MYRF: variants seen among roughly 807,000 people sequenced by gnomAD.
The protein encoded by MYRF is myelin gene regulatory factor.
MYRF carries 16 observed loss-of-function variants against 126.3 expected under a neutral mutation model. The ratio of observed to expected loss-of-function variants is 0.13; its 90% CI spans 0.09 to 0.19. The LOEUF (loss-of-function observed/expected upper bound fraction) is 0.19, where lower values mean the gene tolerates loss of function less well. Ranked by LOEUF, MYRF falls within the 10% of genes least tolerant of loss-of-function variation. The pLI, the probability that MYRF is intolerant of heterozygous loss-of-function variation, is 1.00. For missense variants in MYRF, 1,104 were observed against 1,547.0 expected (o/e 0.71, Z 4.80); for synonymous variants, 608 against 635.3 (o/e 0.96, Z 0.65).
At chr11:61,775,826 G>C (rs936174562) in intron 8 of MYRF, among the ~76,000 whole-genome samples, 8 of 151,872 alleles carry the variant, frequency 5.3e-5, no homozygotes, top group Admixed American at 4.6e-4. Context: ...TGCAGAAGTT[G>C]GGGGAGTGGT....
chr11:61,780,278 T>C lies in MYRF; in HGVS notation c.2393T>C (p.Val798Ala). The change falls in exon 18 of 27, where the codon GTA (valine) becomes GCA (alanine). Residue 798 changes from valine (V) to alanine (A), a missense_variant. Val to Ala is a moderately conservative substitution (Grantham distance 64). Around this residue, in one of 10 missense-constraint regions of MYRF, gnomAD observed 323 missense variants for 383.1 expected, o/e 0.84. Transcript: ENST00000278836. ...VLSLRTEEDL[V>A]DTDGSFAVST... Reference sequence around the variant, plus strand: ...AGCCTGCGCACAGAGGAGGACCTGGTAGACACTGATGGGTAGGTTCCTGGA... The same window carrying C: ...AGCCTGCGCACAGAGGAGGACCTGGCAGACACTGATGGGTAGGTTCCTGGA... The C allele has an allele frequency of 6.2e-7, 1 of 1,613,060 alleles. No homozygotes were observed. The highest frequency in any genetic ancestry group is 8.5e-7 in the Non-Finnish European group (1 of 1,179,500).
At chr11:61,763,722 G>A (rs370547193) in intron 1 of MYRF, among the ~76,000 whole-genome samples, 7 of 152,130 alleles carry the variant, frequency 4.6e-5, no homozygotes, top group Admixed American at 6.5e-5. Flanking sequence ...AAAATTAGCC[G>A]TGTGTGGTGG....
rs770731725 is a variant in MYRF, at chr11:61,780,310, G to A, written c.2405+20G>A. The A allele has an allele frequency of 1.2e-6, 2 of 1,605,672 alleles. No homozygotes were observed. Among genetic ancestry groups the A allele is most frequent in the Middle Eastern group, 1.7e-4 (1 of 5,952 alleles). ...TGATGGGTAGGTTCCTGGAGGCCAA[G>A]CCAAGCTGCCAGGCCAGGTGGGGCT... On this transcript the variant is annotated intron_variant, in intron 18 of 26. Transcript: ENST00000278836.
At chr11:61,785,972 TG>T in intron 26 of MYRF, 90 bp from the exon 27 acceptor site, 1 of 1,559,388 alleles carries the variant, frequency 6.4e-7, no homozygotes, top group Non-Finnish European at 8.8e-7. Flanking sequence ...GTGGTAGGGC[TG>T]GGGGCACAGT....
At position 61,783,711 on chromosome 11, in the gene MYRF, AG is replaced by A; in HGVS notation, c.3119+114del. 7.4e-7 allele frequency: 1 copy of A among 1,358,136 alleles called. No homozygotes were observed. The highest frequency in any genetic ancestry group is 1.0e-6 in the Non-Finnish European group (1 of 967,702). The allele number at this position is 1,358,136 out of a possible 1,614,324, so 84.1% of individuals were successfully genotyped here. On this transcript the variant is annotated intron_variant, in intron 23 of 26. Transcript: ENST00000278836. The surrounding 1 kb of genome is among the most constrained non-coding windows in gnomAD (Gnocchi z 4.6). ...CAGGGAGGAGCCTCCCCCATAAGGA[AG>A]GGTAGCCCCTTTCCAGGCTACCCTT...
Position 61,777,668 on chromosome 11 carries a change from T to C in MYRF, c.1792-66T>C. The C allele has an allele frequency of 6.7e-7, 1 of 1,482,556 alleles. No homozygotes were observed. The highest frequency in any genetic ancestry group is 2.5e-5 in the East Asian group (1 of 40,328). The allele number at this position is 1,482,556 out of a possible 1,614,324, so 91.8% of individuals were successfully genotyped here. ...TGCAGCCTCCAGGCTGCCGCCCTCC[T>C]GGGCTCCGGGGCCTGCTCCGGGACG... On this transcript the variant is annotated intron_variant, in intron 12 of 26. Coordinates refer to ENST00000278836, the MANE Select transcript of MYRF (RefSeq NM_001127392.3). This position sits in a 1 kb window ranked among gnomAD's most constrained non-coding sequence, Gnocchi z 8.8.
chr11:61,774,501 A>C (rs2066318510), intron 8 of MYRF, among the ~76,000 whole-genome samples: 1 of 150,514 alleles, frequency 6.6e-6, no homozygotes, highest in Non-Finnish European at 1.5e-5. Flanking sequence ...CCAGCCTGGC[A>C]ACAGAGCGGG....
rs1052101693 is a variant in MYRF at position 61,762,882 on chromosome 11, C to T, written c.47-2743C>T. Among the ~76,000 whole-genome samples, 13 of 152,268 alleles carry T rather than the reference C, an allele frequency of 8.5e-5. 1 individual carries two copies. The South Asian group carries it at 1.2e-3, about 15-fold the overall frequency. On this transcript the variant is annotated intron_variant, in intron 1 of 26. Transcript: ENST00000278836. ...CCGCCTCCTTCCTCCATCCTCCGTC[C>T]GCCCGGACCCTGGCACGGGAGGGTC...
chr11:61,756,937 C>G, intron 1 of MYRF: 2 of 348,644 alleles, frequency 5.7e-6, no homozygotes, highest in Non-Finnish European at 5.7e-6. Flanking sequence ...GCCCTGGCAG[C>G]AGAGGCTGCT....
chr11:61,767,952 T>A (rs1179466052), intron 3 of MYRF, among the ~76,000 whole-genome samples: 1 of 151,604 alleles, frequency 6.6e-6, no homozygotes, highest in Non-Finnish European at 1.5e-5. Context: ...ACCCTGTCTG[T>A]ACTAAAAATA....
chr11:61,767,219 C>T (rs1162848997), intron 3 of MYRF: 2 of 456,628 alleles, frequency 4.4e-6, no homozygotes, highest in Non-Finnish European at 8.8e-6. Flanking sequence ...AAACTGTTTG[C>T]TTGAGGCTGT....
At chr11:61,762,241 G>A (rs939255530) in intron 1 of MYRF, among the ~76,000 whole-genome samples, 2 of 152,088 alleles carry the variant, frequency 1.3e-5, no homozygotes, top group African/African-American at 2.4e-5. Context: ...AAAGGCTGTC[G>A]GGGGCAGGCA....
intron 2 of MYRF, 44 bp downstream of exon 2, chr11:61,765,756 C>T (rs776612506): frequency 1.9e-6 from 3 of 1,556,144 alleles, no homozygotes; most frequent in Non-Finnish European, 2.6e-6. Context: ...CAGCCCCAGC[C>T]CTTCGCCTCC....
intron 1 of MYRF, among the ~76,000 whole-genome samples, chr11:61,761,263 G>GGT (rs543320536): frequency 1.3e-5 from 2 of 151,774 alleles, no homozygotes; most frequent in African/African-American, 2.4e-5. Context: ...AGCTGGTGGG[G>GGT]GGGGGGGCAC....
At chr11:61,766,907 G>A (rs369354007) in intron 3 of MYRF, 1 of 411,736 alleles carries the variant, frequency 2.4e-6, no homozygotes. Context: ...CTGGGTGGAA[G>A]AGCATTAAAA....
chr11:61,778,468 G>C lies in MYRF; in HGVS notation c.1992G>C (p.Glu664Asp). The stretch of plus-strand genomic sequence containing the variant: ...TCTTTGCCAATGGGAAAACCATAGA[G>C]AACTTCCTGGTGGTGAACAAGGTCT... Reference protein sequence around the residue: ...DMVFANGKTIENFLVVNKERI... With the variant: ...DMVFANGKTIDNFLVVNKERI... The change falls in exon 14 of 27, where the codon GAG becomes GAC. Residue 664 changes from glutamate to aspartate, a missense_variant. Around this residue, in one of 10 missense-constraint regions of MYRF, gnomAD observed 123 missense variants for 209.1 expected, o/e 0.59. Transcript: ENST00000278836. This position sits in a 1 kb window ranked among gnomAD's most constrained non-coding sequence, Gnocchi z 4.6. The C allele has an allele frequency of 1.2e-6, 2 of 1,613,916 alleles. No individual in the cohort carries two copies. Among genetic ancestry groups the C allele is most frequent in the Non-Finnish European group, 1.7e-6 (2 of 1,179,800 alleles).
intron 4 of MYRF, among the ~76,000 whole-genome samples, 176 bp downstream of exon 4, chr11:61,769,497 G>A (rs2066150026): frequency 6.6e-6 from 1 of 152,300 alleles, no homozygotes; most frequent in Middle Eastern, 3.4e-3. Flanking sequence ...CGGGTGGGGA[G>A]CCTGGCCCTG....
In MYRF at chr11:61,779,441, G is replaced by A. The variant is rs1240802756; in HGVS notation, c.2174+18G>A. On this transcript the variant is annotated intron_variant, in intron 15 of 26. Transcript: ENST00000278836. ...GCCTTCAGGTAGGGGTGCGGGGTGG[G>A]GGAAGGTGAGACCCTTCTTCCCAGG... 1.5e-5 allele frequency: 24 copies of A among 1,550,340 alleles called. No homozygotes were observed. The highest frequency in any genetic ancestry group is 2.1e-5 in the Non-Finnish European group (24 of 1,146,312).
chr11:61,774,870 C>G (rs754818850), intron 8 of MYRF, among the ~76,000 whole-genome samples: 1 of 152,126 alleles, frequency 6.6e-6, no homozygotes, highest in African/African-American at 2.4e-5. Context: ...CAACCCCAGT[C>G]AAGACCCATC....
Sources: gnomAD v4.1 joint callset for allele counts (sites outside exome capture counted in the v4.1 genomes callset) on GRCh38, gnomAD v4.1.1 for gene constraint, gnomAD v4.1.1 regional missense constraint, Gnocchi (gnomAD v3.1) non-coding constraint, MANE v1.5 for transcripts, NCBI Gene and HGNC (gene_info 2026-07-23, HGNC 2026-07-21) for gene names.